ZNF804B: variants seen among roughly 807,000 people sequenced by gnomAD.
The protein encoded by ZNF804B is zinc finger protein 804B, also known as zinc finger 804B.
A neutral mutation model predicts 101.4 loss-of-function variants in ZNF804B; 80 were observed. That is an observed-to-expected ratio of 0.79 (90% CI 0.66 to 0.95). The LOEUF (loss-of-function observed/expected upper bound fraction) is 0.95. ZNF804B is among the 40% of genes least tolerant of loss of function. ZNF804B has a pLI of 0.00. For synonymous variants in ZNF804B, 622 were observed against 558.8 expected (o/e 1.11, Z -1.59); for missense variants, 1,673 against 1,561.9 (o/e 1.07, Z -1.20).
chr7:88,935,027 A>ATG (rs1187283448), intron 1 of ZNF804B, among the ~76,000 whole-genome samples: 20 of 151,356 alleles, frequency 1.3e-4, no homozygotes, highest in Admixed American at 6.6e-4. Context: ...ATATAGATAT[A>ATG]TGTGTGTGTG....
chr7:89,131,326 G>T (rs1325432857), intron 1 of ZNF804B, among the ~76,000 whole-genome samples: 1 of 152,034 alleles, frequency 6.6e-6, no homozygotes, highest in East Asian at 1.9e-4. Context: ...CAGAAAGTCT[G>T]CCAAAGTGGT....
intron 1 of ZNF804B, among the ~76,000 whole-genome samples, chr7:89,043,978 A>G (rs1015092251): frequency 1.1e-4 from 17 of 152,228 alleles, no homozygotes; most frequent in Non-Finnish European, 2.4e-4. Flanking sequence ...ACAATAGAAT[A>G]CTATTCACCC....
chr7:88,955,548 T>G (rs540270863), intron 1 of ZNF804B, among the ~76,000 whole-genome samples: 1 of 151,792 alleles, frequency 6.6e-6, no homozygotes, highest in East Asian at 2.0e-4. Flanking sequence ...GATTTTAAAT[T>G]TTTTCCTTTT....
chr7:88,777,523 A>C (rs1329979424), intron 1 of ZNF804B, among the ~76,000 whole-genome samples: 8 of 152,156 alleles, frequency 5.3e-5, no homozygotes. Flanking sequence ...AATACCCAGC[A>C]CTGTATTTAG....
chr7:89,316,749 T>C (rs1195583087), intron 2 of ZNF804B, among the ~76,000 whole-genome samples: 1 of 152,134 alleles, frequency 6.6e-6, no homozygotes, highest in African/African-American at 2.4e-5. Context: ...CACAGGCAAG[T>C]CTGCACTCAT....
At chr7:88,959,875 C>T (rs959770744) in intron 1 of ZNF804B, among the ~76,000 whole-genome samples, 2 of 151,386 alleles carry the variant, frequency 1.3e-5, no homozygotes, top group African/African-American at 2.4e-5. Flanking sequence ...GGTCATGCTC[C>T]TTCTATGGCC....
chr7:88,869,323 C>G (rs1161090665), intron 1 of ZNF804B, among the ~76,000 whole-genome samples: 1 of 152,082 alleles, frequency 6.6e-6, no homozygotes, highest in Non-Finnish European at 1.5e-5. Context: ...GTATACCTAC[C>G]TTGGGGCCCA....
intron 1 of ZNF804B, among the ~76,000 whole-genome samples, chr7:89,104,376 G>C (rs186239385): frequency 7.2e-5 from 11 of 152,034 alleles, no homozygotes; most frequent in African/African-American, 2.7e-4. Context: ...GGCATTTTTT[G>C]TTGGGAGATT....
rs377656054 is a variant in ZNF804B at position 88,888,433 on chromosome 7, A to G, written c.108+128349A>G. 2.6e-5 allele frequency among the ~76,000 whole-genome samples: 4 copies of G among 152,106 alleles called. No homozygotes were observed. In the East Asian group the frequency reaches 7.7e-4, roughly 29 times the overall value. On this transcript the variant is annotated intron_variant, in intron 1 of 3. Coordinates refer to ENST00000333190, the MANE Select transcript of ZNF804B (RefSeq NM_181646.5). ...TAGTTTTATGATCATCTATTAATAC[A>G]ATTAGTTATCATCACCAATGATTTA...
intron 1 of ZNF804B, among the ~76,000 whole-genome samples, chr7:89,078,016 G>T (rs999036743): frequency 3.9e-5 from 6 of 152,042 alleles, no homozygotes; most frequent in Admixed American, 3.3e-4. Context: ...GCTAATAAGA[G>T]CAATACTGTA....
intron 1 of ZNF804B, among the ~76,000 whole-genome samples, chr7:89,132,132 G>A (rs1261669303): frequency 6.7e-6 from 1 of 149,148 alleles, no homozygotes; most frequent in African/African-American, 2.5e-5. Context: ...GGCCTGTAGG[G>A]AAAAGAAAAT....
At chr7:88,879,619 A>T (rs117167159) in intron 1 of ZNF804B, among the ~76,000 whole-genome samples, 170 of 152,308 alleles carry the variant, frequency 1.1e-3, no homozygotes, top group Non-Finnish European at 2.1e-3. Flanking sequence ...AGAGTTTACC[A>T]GGGTCAGTAA....
rs546476482 is a variant in ZNF804B, at chr7:88,966,969, T to C, written c.108+206885T>C. Among the ~76,000 whole-genome samples the C allele has an allele frequency of 4.0e-5, 6 of 151,500 alleles. No homozygotes were observed. In the South Asian group the frequency reaches 1.0e-3, roughly 26 times the overall value. ...CAGGATCTAGAATTCTGGACTTTTT[T>C]TTTTTTTTCAAGTGTAATACACCAG... On this transcript the variant is annotated intron_variant, in intron 1 of 3. Transcript: ENST00000333190.
intron 2 of ZNF804B, among the ~76,000 whole-genome samples, chr7:89,274,630 C>T (rs1479945477): frequency 6.6e-6 from 1 of 151,662 alleles, no homozygotes; most frequent in Non-Finnish European, 1.5e-5. Flanking sequence ...ACATGTTCCC[C>T]AAACTCCCAA....
At chr7:88,985,542 A>G (rs1003690954) in intron 1 of ZNF804B, among the ~76,000 whole-genome samples, 2 of 151,996 alleles carry the variant, frequency 1.3e-5, no homozygotes, top group Admixed American at 6.6e-5. Context: ...GCCTCTGTTC[A>G]CTACACACAG....
At chr7:88,811,491 A>G (rs1790786373) in intron 1 of ZNF804B, among the ~76,000 whole-genome samples, 1 of 152,228 alleles carries the variant, frequency 6.6e-6, no homozygotes, top group Non-Finnish European at 1.5e-5. Context: ...CCAAAGGACT[A>G]TAAAACATTC....
At chr7:88,915,778 T>C (rs1792623923) in intron 1 of ZNF804B, among the ~76,000 whole-genome samples, 1 of 131,470 alleles carries the variant, frequency 7.6e-6, no homozygotes, top group Admixed American at 7.6e-5. Flanking sequence ...TATTTAATGT[T>C]AAGATTCATT....
In ZNF804B at chr7:88,908,103, C is replaced by T. The variant is rs187078515; in HGVS notation, c.108+148019C>T. 5.0e-4 allele frequency among the ~76,000 whole-genome samples: 76 copies of T among 151,384 alleles called. 1 individual carries two copies. The highest frequency in any genetic ancestry group is 4.8e-3 in the South Asian group (23 of 4,796). On this transcript the variant is annotated intron_variant, in intron 1 of 3. Transcript: ENST00000333190. Reference sequence around the variant, plus strand: ...GATATATTAGACATGTAGTCTCAGACGATAAAGTAATTACAATCTAGTAGG... The same window carrying T: ...GATATATTAGACATGTAGTCTCAGATGATAAAGTAATTACAATCTAGTAGG...
chr7:89,023,624 C>T lies in ZNF804B; in HGVS notation c.109-194531C>T, dbSNP rs924187003. Among the ~76,000 whole-genome samples the T allele has an allele frequency of 5.9e-5, 9 of 152,190 alleles. No individual in the cohort carries two copies. The South Asian group carries it at 1.7e-3, about 28-fold the overall frequency. On this transcript the variant is annotated intron_variant, in intron 1 of 3. Coordinates refer to ENST00000333190, the MANE Select transcript of ZNF804B (RefSeq NM_181646.5). ...AGACTTGCGAAAGTCTTAAAAGTCT[C>T]TCCATATCACTAGATAAAGAAAAAA...
Sources: allele counts gnomAD v4.1 joint callset (sites outside exome capture counted in the v4.1 genomes callset), GRCh38; gene constraint gnomAD v4.1.1; transcripts MANE v1.5; gene names NCBI Gene and HGNC (gene_info 2026-07-23, HGNC 2026-07-21).